The following MAPK10 variants were observed in gnomAD, a reference collection of about 807,000 sequenced individuals.
The protein encoded by MAPK10 is JNK3 alpha protein kinase.
Under a neutral mutation model 59.3 loss-of-function variants are expected in MAPK10, and 25 were observed. The observed-to-expected ratio is 0.42, with a 90% confidence interval of 0.31 to 0.59. MAPK10 has a LOEUF of 0.59. MAPK10 is among the 20% of genes least tolerant of loss of function. The pLI is 0.15. For synonymous variants in MAPK10, 190 were observed against 200.5 expected (o/e 0.95, Z 0.44); for missense variants, 351 against 568.9 (o/e 0.62, Z 3.90).
chr4:86,316,282 G>A lies in MAPK10; in HGVS notation c.-7+38248C>T, dbSNP rs144878362. ...TAATATTCACATCTGAAAAAATTTT[G>A]CAACGCATTAAACCCTAGCATTTAT... On this transcript the variant is annotated intron_variant, in intron 2 of 13. Transcript: ENST00000641462. 5.6e-3 allele frequency among the ~76,000 whole-genome samples: 857 copies of A among 152,228 alleles called. 10 individuals are homozygous for A. Among genetic ancestry groups the A allele is most frequent in the African/African-American group, 0.02 (815 of 41,558 alleles).
chr4:86,485,062 T>C (rs1753882649), intron 1 of MAPK10, among the ~76,000 whole-genome samples: 1 of 152,236 alleles, frequency 6.6e-6, no homozygotes, highest in Non-Finnish European at 1.5e-5. Flanking sequence ...GCAGATTAGA[T>C]GCTGGGAAGC....
In MAPK10 at chr4:86,214,390, T is replaced by C. The variant is rs563994707; in HGVS notation, c.-6-19983A>G. 2.7e-5 allele frequency among the ~76,000 whole-genome samples: 4 copies of C among 150,868 alleles called. No homozygotes were observed. The South Asian group carries it at 8.3e-4, about 31-fold the overall frequency. On this transcript the variant is annotated intron_variant, in intron 2 of 13. Coordinates refer to ENST00000641462, the MANE Select transcript of MAPK10 (RefSeq NM_138982.4). ...TTCTAGAAGTTTCAGCCAGAGCAAT[T>C]AGGGAAAAAAACAGGAAAGAAGGAA...
chr4:86,239,645 T>C (rs114438775), intron 2 of MAPK10, among the ~76,000 whole-genome samples: 4,523 of 152,256 alleles, frequency 0.03, 93 homozygotes, highest in South Asian at 0.041. Flanking sequence ...TAGAGGTGTT[T>C]ATACTATTCT....
chr4:86,492,899 A>G (rs1754581099), intron 1 of MAPK10, among the ~76,000 whole-genome samples: 1 of 151,572 alleles, frequency 6.6e-6, no homozygotes, highest in Non-Finnish European at 1.5e-5. Context: ...TGTTAAAGCA[A>G]ACTAAATATG....
intron 1 of MAPK10, among the ~76,000 whole-genome samples, chr4:86,372,548 GA>G (rs753176646): frequency 5.0e-4 from 9 of 18,116 alleles, no homozygotes; most frequent in East Asian, 1.3e-3. Flanking sequence ...AAGAAAGAAA[GA>G]AAGAAAGAAA....
intron 1 of MAPK10, among the ~76,000 whole-genome samples, chr4:86,547,299 A>G (rs1365474759): frequency 6.6e-6 from 1 of 152,166 alleles, no homozygotes; most frequent in East Asian, 1.9e-4. Context: ...CGGCTCCCTC[A>G]GCTTGCCAGG....
intron 2 of MAPK10, among the ~76,000 whole-genome samples, chr4:86,270,730 AT>A (rs925202702): frequency 6.6e-6 from 1 of 152,070 alleles, no homozygotes; most frequent in Non-Finnish European, 1.5e-5. Context: ...ATCACCATAG[AT>A]TAGTTTTACC....
intron 2 of MAPK10, among the ~76,000 whole-genome samples, chr4:86,280,398 T>A (rs1480352444): frequency 6.6e-6 from 1 of 152,014 alleles, no homozygotes; most frequent in Non-Finnish European, 1.5e-5. Context: ...AAAACCACAA[T>A]AAGATACTAT....
intron 2 of MAPK10, among the ~76,000 whole-genome samples, chr4:86,227,126 C>T (rs142202666): frequency 2.9e-4 from 44 of 152,274 alleles, no homozygotes; most frequent in Non-Finnish European, 4.3e-4. Flanking sequence ...ACACTACTCC[C>T]CACTTATTTG....
chr4:86,479,474 C>CCAA (rs1554270956), intron 1 of MAPK10, among the ~76,000 whole-genome samples: 1 of 138,470 alleles, frequency 7.2e-6, no homozygotes, highest in Non-Finnish European at 1.6e-5. Context: ...CACCCCCCAC[C>CCAA]AAAAAAAAAA....
intron 2 of MAPK10, among the ~76,000 whole-genome samples, chr4:86,214,530 A>C (rs2086853435): frequency 6.6e-6 from 1 of 151,252 alleles, no homozygotes; most frequent in South Asian, 2.1e-4. Context: ...AAAAAAAAAA[A>C]AAAAACTGTT....
At chr4:86,482,247 T>G (rs1753664673) in intron 1 of MAPK10, among the ~76,000 whole-genome samples, 1 of 152,198 alleles carries the variant, frequency 6.6e-6, no homozygotes, top group African/African-American at 2.4e-5. Context: ...TTATATTTCT[T>G]AAATTCTTCC....
intron 3 of MAPK10, among the ~76,000 whole-genome samples, chr4:86,177,301 T>C (rs942014086): frequency 5.3e-5 from 8 of 152,090 alleles, no homozygotes; most frequent in Non-Finnish European, 1.0e-4. Context: ...ACAGATCACC[T>C]AAAATGGTTT....
At chr4:86,222,935 A>G (rs1344507779) in intron 2 of MAPK10, among the ~76,000 whole-genome samples, 3 of 152,214 alleles carry the variant, frequency 2.0e-5, no homozygotes, top group Non-Finnish European at 4.4e-5. Context: ...TCACAAAGAA[A>G]AAATGTGCCA....
At chr4:86,310,235 C>A (rs1370035291) in intron 2 of MAPK10, among the ~76,000 whole-genome samples, 1 of 152,050 alleles carries the variant, frequency 6.6e-6, no homozygotes, top group African/African-American at 2.4e-5. Context: ...ATGTATAAAA[C>A]CAAGCCGTGC....
intron 1 of MAPK10, chr4:86,384,072 G>A (rs1205193980): frequency 6.6e-6 from 1 of 152,154 alleles, no homozygotes; most frequent in African/African-American, 2.4e-5. Flanking sequence ...TATTACAAGT[G>A]TTGGAGAAAC....
Position 86,017,489 on chromosome 4 carries a change from G to A in MAPK10, c.1253-119C>T. On this transcript the variant is annotated intron_variant, in intron 13 of 13. Coordinates refer to ENST00000641462, the MANE Select transcript of MAPK10 (RefSeq NM_138982.4). The surrounding 1 kb of genome is among the most constrained non-coding windows in gnomAD (Gnocchi z 4.4). Reference sequence around the variant, plus strand: ...GGATGTCCAGTCCATCAATCATTTGGCAAGCCTTTATAGAGCAGCTGACAT... The same window carrying A: ...GGATGTCCAGTCCATCAATCATTTGACAAGCCTTTATAGAGCAGCTGACAT... The A allele has an allele frequency of 8.8e-7, 1 of 1,140,498 alleles. No homozygotes were observed. Among genetic ancestry groups the A allele is most frequent in the Non-Finnish European group, 1.3e-6 (1 of 783,836 alleles). 70.6% of individuals were successfully genotyped at this position (1,140,498 alleles called of 1,614,324 possible). A position where few individuals can be genotyped will look rare whatever the true frequency, so the allele number is the denominator to read the frequency against.
chr4:86,300,292 A>G (rs1358639615), intron 2 of MAPK10, among the ~76,000 whole-genome samples: 1 of 152,360 alleles, frequency 6.6e-6, no homozygotes, highest in East Asian at 1.9e-4. Context: ...CACTGAAATC[A>G]TTAACAAATG....
chr4:86,101,089 G>A lies in MAPK10; in HGVS notation c.693C>T (p.Ala231=), dbSNP rs1056711834. 1 of 1,613,902 alleles carries A rather than the reference G, an allele frequency of 6.2e-7. No homozygotes were observed. The highest frequency in any genetic ancestry group is 8.5e-7 in the Non-Finnish European group (1 of 1,179,934). Reference sequence around the variant, plus strand: ...AGCCCATCCCCAGGATGACCTCAGGGGCTCTGTAATAACGTGTCACCACAT... The same window carrying A: ...AGCCCATCCCCAGGATGACCTCAGGAGCTCTGTAATAACGTGTCACCACAT... ...TPYVVTRYYR[A]PEVILGMGYK... is the part of the protein sequence containing the mutation. Residue 231 remains alanine (A), a synonymous_variant, in exon 8 of 14, where the codon GCC becomes GCT. Transcript: ENST00000641462.
Sources: gnomAD v4.1 joint callset for allele counts (sites outside exome capture counted in the v4.1 genomes callset) on GRCh38, gnomAD v4.1.1 for gene constraint, Gnocchi (gnomAD v3.1) non-coding constraint, MANE v1.5 for transcripts, NCBI Gene and HGNC (gene_info 2026-07-23, HGNC 2026-07-21) for gene names.